CCSER1: variants seen among roughly 807,000 people sequenced by gnomAD.
CCSER1 encodes coiled-coil serine rich protein 1.
A neutral mutation model predicts 82.0 loss-of-function variants in CCSER1; 41 were observed. That is an observed-to-expected ratio of 0.50 (90% CI 0.39 to 0.65). The LOEUF (loss-of-function observed/expected upper bound fraction) is 0.65. Among genes scored for constraint, CCSER1 ranks in the 30% least tolerant of loss-of-function variants. The pLI, the probability that CCSER1 is intolerant of heterozygous loss-of-function variation, is 0.00. For missense variants in CCSER1, 1,119 were observed against 1,064.2 expected (o/e 1.05, Z -0.72); for synonymous variants, 414 against 383.9 (o/e 1.08, Z -0.92).
intron 9 of CCSER1, among the ~76,000 whole-genome samples, chr4:91,028,797 G>A (rs1003203230): frequency 6.6e-6 from 1 of 151,850 alleles, no homozygotes; most frequent in Non-Finnish European, 1.5e-5. Flanking sequence ...TTAAATTGTT[G>A]GTTTGAGACA....
At chr4:90,557,857 G>C (rs1778316057) in intron 5 of CCSER1, among the ~76,000 whole-genome samples, 2 of 152,004 alleles carry the variant, frequency 1.3e-5, no homozygotes, top group Admixed American at 1.3e-4. Flanking sequence ...GCCTTAATGT[G>C]TTTTTATTGT....
chr4:90,360,138 C>G (rs141697083), intron 3 of CCSER1, among the ~76,000 whole-genome samples: 2,873 of 147,738 alleles, frequency 0.019, 67 homozygotes, highest in African/African-American at 0.06. Context: ...AGGCTGGTCT[C>G]GAACTCCTGA....
chr4:91,490,927 T>TATATAAAA (rs1560712521), intron 10 of CCSER1, among the ~76,000 whole-genome samples: 1 of 82,934 alleles, frequency 1.2e-5, no homozygotes, highest in African/African-American at 5.0e-5. Context: ...TATATATATA[T>TATATAAAA]AAAATATGCG....
intron 5 of CCSER1, among the ~76,000 whole-genome samples, chr4:90,565,050 C>A (rs78731229): frequency 0.01 from 1,410 of 134,438 alleles, 25 homozygotes; most frequent in African/African-American, 0.038. Flanking sequence ...TTTTTTTTTT[C>A]TGTGAAGATT....
At chr4:91,024,370 T>G (rs1740299504) in intron 9 of CCSER1, among the ~76,000 whole-genome samples, 1 of 152,180 alleles carries the variant, frequency 6.6e-6, no homozygotes, top group African/African-American at 2.4e-5. Flanking sequence ...CTTTTAAATT[T>G]TATTTCTAGA....
chr4:90,645,240 A>C (rs1334668489), intron 6 of CCSER1, among the ~76,000 whole-genome samples: 3 of 152,234 alleles, frequency 2.0e-5, no homozygotes, highest in African/African-American at 7.2e-5. Flanking sequence ...AAGCATGTCC[A>C]AATAGATACC....
chr4:91,355,731 G>A lies in CCSER1; in HGVS notation c.2218-242841G>A, dbSNP rs918618868. Among the ~76,000 whole-genome samples, 5 of 152,150 alleles carry A rather than the reference G, an allele frequency of 3.3e-5. No homozygotes were observed. The East Asian group carries it at 9.6e-4, about 29-fold the overall frequency. ...TCCGGGTGTGACTGGAGCAGGGCTT[G>A]TCATCTTCTTTAGAGTCACTTTGCA... On this transcript the variant is annotated intron_variant, in intron 10 of 10. Coordinates refer to ENST00000509176, the MANE Select transcript of CCSER1 (RefSeq NM_001145065.2).
chr4:91,165,387 G>A (rs575867472), intron 10 of CCSER1, among the ~76,000 whole-genome samples: 17 of 152,172 alleles, frequency 1.1e-4, no homozygotes, highest in Admixed American at 3.3e-4. Context: ...GGAAGTGTCA[G>A]GGACCCACTT....
chr4:90,706,293 C>CA lies in CCSER1; in HGVS notation c.1933-17618dup, dbSNP rs552894056. ...GTGAATTAAATTATTTAAAAACAAA[C>CA]AAAGTGGCCTGGCATGGTGGCTCAC... is the stretch of plus-strand genomic sequence containing the variant. On this transcript the variant is annotated intron_variant, in intron 6 of 10. Coordinates refer to ENST00000509176, the MANE Select transcript of CCSER1 (RefSeq NM_001145065.2). Among the ~76,000 whole-genome samples, 578 of 152,134 alleles carry CA rather than the reference C, an allele frequency of 3.8e-3. 2 individuals carry two copies. The highest frequency in any genetic ancestry group is 6.4e-3 in the Non-Finnish European group (437 of 67,962).
chr4:90,337,429 C>G (rs1027009655), intron 3 of CCSER1, among the ~76,000 whole-genome samples: 2 of 152,120 alleles, frequency 1.3e-5, no homozygotes, highest in African/African-American at 4.8e-5. Context: ...AACACAGCAG[C>G]TGGGAGAATG....
chr4:91,588,308 A>G (rs1764106175), intron 10 of CCSER1, among the ~76,000 whole-genome samples: 2 of 151,566 alleles, frequency 1.3e-5, no homozygotes, highest in South Asian at 4.1e-4. Flanking sequence ...TCTAACACTC[A>G]TAAACTCATC....
chr4:90,219,871 G>C (rs1741799363), intron 1 of CCSER1, among the ~76,000 whole-genome samples: 1 of 152,106 alleles, frequency 6.6e-6, no homozygotes, highest in African/African-American at 2.4e-5. Flanking sequence ...TTAGGAATAA[G>C]GAAATAGATC....
chr4:90,445,963 G>A (rs1380072059), intron 4 of CCSER1, among the ~76,000 whole-genome samples: 2 of 152,150 alleles, frequency 1.3e-5, no homozygotes, highest in African/African-American at 2.4e-5. Context: ...TGGTCCAACA[G>A]GATGAAATAC....
intron 10 of CCSER1, among the ~76,000 whole-genome samples, chr4:91,332,036 C>A (rs760125883): frequency 6.6e-6 from 1 of 152,044 alleles, no homozygotes; most frequent in Non-Finnish European, 1.5e-5. Context: ...ACATTAGATT[C>A]TCATTAGCTT....
At chr4:91,366,176 C>A (rs567742302) in intron 10 of CCSER1, among the ~76,000 whole-genome samples, 1 of 151,978 alleles carries the variant, frequency 6.6e-6, no homozygotes, top group African/African-American at 2.4e-5. Flanking sequence ...ACCACCTCCA[C>A]GCCCAGCTAA....
chr4:91,404,527 C>G (rs1389471718), intron 10 of CCSER1, among the ~76,000 whole-genome samples: 1 of 152,100 alleles, frequency 6.6e-6, no homozygotes, highest in Non-Finnish European at 1.5e-5. Flanking sequence ...CTCTTGTGGG[C>G]ATTAAGTGCT....
At chr4:90,221,446 T>C (rs1450234144) in intron 1 of CCSER1, among the ~76,000 whole-genome samples, 1 of 152,156 alleles carries the variant, frequency 6.6e-6, no homozygotes, top group Non-Finnish European at 1.5e-5. Flanking sequence ...TGCTAAGACC[T>C]GTACCAGGCA....
intron 4 of CCSER1, among the ~76,000 whole-genome samples, chr4:90,462,826 A>G (rs1429659556): frequency 6.6e-6 from 1 of 152,232 alleles, no homozygotes; most frequent in African/African-American, 2.4e-5. Flanking sequence ...AGCACTTTAC[A>G]TGCATTAATT....
At chr4:90,885,739 C>A (rs2150091211) in intron 8 of CCSER1, among the ~76,000 whole-genome samples, 1 of 152,244 alleles carries the variant, frequency 6.6e-6, no homozygotes, top group East Asian at 1.9e-4. Context: ...GACAGAAAGT[C>A]TCTTAATGAA....
Sources: allele counts gnomAD v4.1 joint callset (sites outside exome capture counted in the v4.1 genomes callset), GRCh38; gene constraint gnomAD v4.1.1; transcripts MANE v1.5; gene names NCBI Gene and HGNC (gene_info 2026-07-23, HGNC 2026-07-21).